The following ACVR1C variants were observed in gnomAD, a reference collection of about 807,000 sequenced individuals.
ACVR1C encodes the protein activin A receptor type 1C.
A neutral mutation model predicts 57.9 loss-of-function variants in ACVR1C; 23 were observed. The ratio of observed to expected loss-of-function variants is 0.40; its 90% CI spans 0.29 to 0.56. The LOEUF is 0.56. Among genes scored for constraint, ACVR1C ranks in the 20% least tolerant of loss-of-function variants. The probability of loss-of-function intolerance (pLI) is 0.50; values close to 1 mark genes in which losing one functional copy is unlikely to be tolerated. For synonymous variants in ACVR1C, 214 were observed against 215.3 expected (o/e 0.99, Z 0.05); for missense variants, 480 against 607.9 (o/e 0.79, Z 2.21).
rs1323772179 is a variant in ACVR1C at position 157,577,011 on chromosome 2, C to T, written c.304+10176G>A. ...CTGGGACTACAGGCGCCCGCCACCGCGCCCGGCTAATTTTTTGTATTTTTT... is the reference window on the plus strand; with the variant it reads ...CTGGGACTACAGGCGCCCGCCACCGTGCCCGGCTAATTTTTTGTATTTTTT... On this transcript the variant is annotated intron_variant, in intron 2 of 8. Transcript: ENST00000243349. Among the ~76,000 whole-genome samples, 39 of 95,606 alleles carry T rather than the reference C, an allele frequency of 4.1e-4. 10 individuals are homozygous for T. Among genetic ancestry groups the T allele is most frequent in the African/African-American group, 1.6e-3 (34 of 21,524 alleles). 62.7% of individuals were successfully genotyped at this position (95,606 alleles called of 152,430 possible).
intron 2 of ACVR1C, among the ~76,000 whole-genome samples, chr2:157,583,653 G>A (rs925575553): frequency 1.2e-4 from 19 of 152,256 alleles, no homozygotes; most frequent in African/African-American, 4.1e-4. Flanking sequence ...ACAGTTTGAC[G>A]ATAGTATAAG....
At chr2:157,534,173 T>C (rs1687426286) in intron 8 of ACVR1C, 130 bp from the exon 9 acceptor site, 3 of 785,512 alleles carry the variant, frequency 3.8e-6, no homozygotes, top group Non-Finnish European at 5.3e-6. Context: ...GGGGTCTTGC[T>C]ATGTTCCCCA....
chr2:157,613,067 C>A (rs1384109930), intron 1 of ACVR1C, among the ~76,000 whole-genome samples: 1 of 152,198 alleles, frequency 6.6e-6, no homozygotes, highest in Non-Finnish European at 1.5e-5. Context: ...TGGCAACAGT[C>A]TAGTGGGGAT....
chr2:157,576,266 C>T (rs181107637), intron 2 of ACVR1C, among the ~76,000 whole-genome samples: 7 of 132,836 alleles, frequency 5.3e-5, no homozygotes, highest in Admixed American at 3.6e-4. Context: ...AGTGCAATGG[C>T]GCAATCTCAG....
chr2:157,576,802 T>G (rs1032073845), intron 2 of ACVR1C, among the ~76,000 whole-genome samples: 19 of 152,054 alleles, frequency 1.2e-4, no homozygotes, highest in Non-Finnish European at 1.9e-4. Flanking sequence ...TTAGCACAAT[T>G]TTCTGGTAGA....
intron 1 of ACVR1C, among the ~76,000 whole-genome samples, chr2:157,620,311 G>C (rs2105157809): frequency 6.6e-6 from 1 of 152,044 alleles, no homozygotes; most frequent in East Asian, 1.9e-4. Flanking sequence ...ATTTAAGTGA[G>C]AACACAATCT....
chr2:157,576,065 A>G (rs1376726854), intron 2 of ACVR1C, among the ~76,000 whole-genome samples: 1 of 152,132 alleles, frequency 6.6e-6, no homozygotes, highest in Non-Finnish European at 1.5e-5. Context: ...GGTAGAAGAT[A>G]ACAAATAATT....
At chr2:157,578,780 T>C (rs1354792908) in intron 2 of ACVR1C, among the ~76,000 whole-genome samples, 1 of 152,228 alleles carries the variant, frequency 6.6e-6, no homozygotes, top group African/African-American at 2.4e-5. Flanking sequence ...TTTTCACTTC[T>C]TGCTATTGAG....
At chr2:157,542,997 ATCTT>A in intron 5 of ACVR1C, 135 bp from the exon 6 acceptor site, 1 of 836,064 alleles carries the variant, frequency 1.2e-6, no homozygotes, top group Non-Finnish European at 1.8e-6. Flanking sequence ...TATCTAAATT[ATCTT>A]GTTTATTTAT....
intron 2 of ACVR1C, among the ~76,000 whole-genome samples, chr2:157,564,109 G>C (rs2105232761): frequency 6.6e-6 from 1 of 152,294 alleles, no homozygotes; most frequent in Non-Finnish European, 1.5e-5. Context: ...AGCCAAAATT[G>C]ACAAATAGGA....
At chr2:157,584,513 G>A (rs1688870253) in intron 2 of ACVR1C, among the ~76,000 whole-genome samples, 1 of 152,074 alleles carries the variant, frequency 6.6e-6, no homozygotes, top group Non-Finnish European at 1.5e-5. Flanking sequence ...TAATTATTGG[G>A]AAATGCAAAT....
At chr2:157,540,291 C>G (rs1687592489) in intron 7 of ACVR1C, among the ~76,000 whole-genome samples, 1 of 152,202 alleles carries the variant, frequency 6.6e-6, no homozygotes, top group African/African-American at 2.4e-5. Flanking sequence ...TTTTTCTCCA[C>G]TGATGCAACT....
chr2:157,534,594 G>A (rs1384495808), intron 8 of ACVR1C, among the ~76,000 whole-genome samples: 2 of 152,090 alleles, frequency 1.3e-5, no homozygotes, highest in Non-Finnish European at 2.9e-5. Flanking sequence ...AGATTTGTGA[G>A]TTTTACCAAA....
chr2:157,628,713 C>T lies in ACVR1C; in HGVS notation c.-69G>A, dbSNP rs978666852. 324 of 1,373,062 alleles carry T rather than the reference C, an allele frequency of 2.4e-4. No individual in the cohort carries two copies. The highest frequency in any genetic ancestry group is 2.9e-4 in the Non-Finnish European group (303 of 1,044,902). 85.1% of individuals were successfully genotyped at this position (1,373,062 alleles called of 1,614,324 possible). A position where few individuals can be genotyped will look rare whatever the true frequency, so the allele number is the denominator to read the frequency against. On this transcript the variant is annotated 5_prime_UTR_variant, in exon 1 of 9. Coordinates refer to ENST00000243349, the MANE Select transcript of ACVR1C (RefSeq NM_145259.3). ...AGCGAGGCAGCCGGGGCAGCACGGCCCGCTTTGAAGTTCCCGGGCCGCGGG... is the reference window on the plus strand; with the variant it reads ...AGCGAGGCAGCCGGGGCAGCACGGCTCGCTTTGAAGTTCCCGGGCCGCGGG...
intron 1 of ACVR1C, among the ~76,000 whole-genome samples, chr2:157,604,818 G>T (rs1012546490): frequency 5.7e-4 from 87 of 151,732 alleles, no homozygotes; most frequent in African/African-American, 2.0e-3. Context: ...TATGTGTTTT[G>T]CAAACATTAT....
rs147664586 is a variant in ACVR1C at position 157,531,373 on chromosome 2, A to G, written c.*2545T>C. The G allele has an allele frequency of 3.9e-5, 6 of 152,082 alleles. No homozygotes were observed. The highest frequency in any genetic ancestry group is 8.8e-5 in the Non-Finnish European group (6 of 67,966). The allele number at this position is 152,082 out of a possible 1,614,324, so 9.4% of individuals were successfully genotyped here. A position where few individuals can be genotyped will look rare whatever the true frequency, so the allele number is the denominator to read the frequency against. On this transcript the variant is annotated 3_prime_UTR_variant, in exon 9 of 9. Transcript: ENST00000243349. ...CAGTTAGGAGTCATAGTTAAACAAC[A>G]CAAGAACAAGAAAAATACCTCAAAA... is the stretch of plus-strand genomic sequence containing the variant.
rs1558975117 is a variant in ACVR1C, at chr2:157,554,267, GA to G, written c.544+1825del. Among the ~76,000 whole-genome samples the G allele has an allele frequency of 1.5e-3, 201 of 131,864 alleles. 9 individuals carry two copies. Among genetic ancestry groups the G allele is most frequent in the Middle Eastern group, 7.5e-3 (2 of 268 alleles). The allele number at this position is 131,864 out of a possible 152,430, so 86.5% of individuals were successfully genotyped here. On this transcript the variant is annotated intron_variant, in intron 3 of 8. Transcript: ENST00000243349. ...AGAAAGAAAGAAAGAAAGAAAGAAA[GA>G]AAGGAAGGAAGGAAGAGAGAGAGAG...
intron 1 of ACVR1C, among the ~76,000 whole-genome samples, chr2:157,607,674 T>A (rs1164210729): frequency 1.3e-5 from 2 of 151,784 alleles, no homozygotes; most frequent in East Asian, 3.8e-4. Flanking sequence ...CTTGTATAGA[T>A]GTTTCACATT....
intron 4 of ACVR1C, 128 bp downstream of exon 4, chr2:157,550,034 G>GAAA: frequency 7.2e-5 from 43 of 599,536 alleles, no homozygotes; most frequent in South Asian, 1.7e-4. Context: ...AAAGGAAAAG[G>GAAA]AAAAAAAAAA....
Sources: allele counts gnomAD v4.1 joint callset (sites outside exome capture counted in the v4.1 genomes callset), GRCh38; gene constraint gnomAD v4.1.1; transcripts MANE v1.5; gene names NCBI Gene and HGNC (gene_info 2026-07-23, HGNC 2026-07-21).